OR2C1: variants seen among roughly 807,000 people sequenced by gnomAD.
The protein encoded by OR2C1 is olfactory receptor 2C1.
For missense variants in OR2C1, 468 were observed against 388.3 expected (o/e 1.21, Z -1.73); for synonymous variants, 209 against 167.3 (o/e 1.25, Z -1.92).
At chr16:3,323,415 T>A in the OR2C1 span, 1 of 777,776 alleles carries the variant, frequency 1.3e-6, no homozygotes, top group Admixed American at 1.7e-5. Flanking sequence ...TCAATCACTG[T>A]GTTGTCTGTC....
chr16:3,334,623 C>A, the OR2C1 span, among the ~76,000 whole-genome samples: 1 of 151,058 alleles, frequency 6.6e-6, no homozygotes, highest in Non-Finnish European at 1.5e-5. Flanking sequence ...GCAAGAGCCA[C>A]CACGCCCAGC....
At chr16:3,325,579 C>T in the OR2C1 span, among the ~76,000 whole-genome samples, 24 of 149,676 alleles carry the variant, frequency 1.6e-4, no homozygotes, top group Admixed American at 8.7e-4. Flanking sequence ...TAGACTTGCT[C>T]ATCACAGGCT....
At chr16:3,327,777 A>C in the OR2C1 span, among the ~76,000 whole-genome samples, 51 of 152,218 alleles carry the variant, frequency 3.4e-4, no homozygotes, top group African/African-American at 1.2e-3. Flanking sequence ...TAATAATTAC[A>C]CCAGGCATCT....
chr16:3,339,407 C>G, the OR2C1 span, among the ~76,000 whole-genome samples: 1 of 151,246 alleles, frequency 6.6e-6, no homozygotes, highest in Non-Finnish European at 1.5e-5. Flanking sequence ...TATGGTAATT[C>G]TGTTTATTTT....
the OR2C1 span, among the ~76,000 whole-genome samples, chr16:3,350,818 G>A: frequency 2.0e-5 from 3 of 151,538 alleles, no homozygotes; most frequent in Admixed American, 2.0e-4. Context: ...ACAAACAAAA[G>A]CCCTTTTGCA....
chr16:3,325,466 T>A, the OR2C1 span, among the ~76,000 whole-genome samples: 18 of 12,618 alleles, frequency 1.4e-3, no homozygotes, highest in Admixed American at 3.9e-3. Context: ...TAAAAATATA[T>A]ATATATATAT....
upstream of OR2C1, among the ~76,000 whole-genome samples, chr16:3,354,742 A>G (rs2030631509): frequency 2.0e-5 from 3 of 152,080 alleles, no homozygotes. Flanking sequence ...CCCTTCCCTG[A>G]GCGTATCAGA....
chr16:3,325,994 G>A, the OR2C1 span, among the ~76,000 whole-genome samples: 7 of 148,302 alleles, frequency 4.7e-5, no homozygotes, highest in African/African-American at 1.3e-4. Flanking sequence ...GCAGTGGTGC[G>A]ATCTCGGCTC....
the OR2C1 span, chr16:3,323,689 C>T: frequency 1.6e-5 from 11 of 685,746 alleles, no homozygotes; most frequent in Non-Finnish European, 2.9e-5. Context: ...CTGGCAATTC[C>T]AAGGCACGAG....
At chr16:3,348,420 A>C in the OR2C1 span, among the ~76,000 whole-genome samples, 2 of 152,196 alleles carry the variant, frequency 1.3e-5, no homozygotes, top group Non-Finnish European at 2.9e-5. Flanking sequence ...GCAGTTTACT[A>C]GCCATTTGCC....
At chr16:3,346,478 C>G in the OR2C1 span, among the ~76,000 whole-genome samples, 1 of 152,184 alleles carries the variant, frequency 6.6e-6, no homozygotes, top group South Asian at 2.1e-4. Context: ...GAGTGGGCCA[C>G]CCAGTGTTCC....
At chr16:3,351,716 C>T (rs1025196972), upstream of OR2C1, among the ~76,000 whole-genome samples, 2 of 152,108 alleles carry the variant, frequency 1.3e-5, no homozygotes, top group Non-Finnish European at 2.9e-5. Context: ...TACATGGAAC[C>T]TCCTTTTGTT....
chr16:3,328,495 G>C, the OR2C1 span, among the ~76,000 whole-genome samples: 2 of 152,114 alleles, frequency 1.3e-5, no homozygotes, highest in Non-Finnish European at 2.9e-5. Context: ...ATATTTATTG[G>C]TCACTTTTTA....
At chr16:3,330,008 C>T in the OR2C1 span, among the ~76,000 whole-genome samples, 119,611 of 149,410 alleles carry the variant, frequency 0.8, 47,784 homozygotes, top group East Asian at 0.93. Context: ...CCGCCTCGGC[C>T]TCCCAAAGTG....
chr16:3,333,568 C>T, the OR2C1 span, among the ~76,000 whole-genome samples: 1 of 152,126 alleles, frequency 6.6e-6, no homozygotes, highest in African/African-American at 2.4e-5. Context: ...ATCTCCTGAC[C>T]TCGTGATCCG....
At chr16:3,332,045 G>A in the OR2C1 span, among the ~76,000 whole-genome samples, 1 of 141,460 alleles carries the variant, frequency 7.1e-6, no homozygotes, top group Non-Finnish European at 1.5e-5. Flanking sequence ...AAGGACACAG[G>A]AAGGGGAACA....
the OR2C1 span, among the ~76,000 whole-genome samples, chr16:3,328,544 C>T: frequency 6.6e-6 from 1 of 152,132 alleles, no homozygotes; most frequent in Non-Finnish European, 1.5e-5. Context: ...GGAAAAACAA[C>T]CAAAAACCTA....
upstream of OR2C1, among the ~76,000 whole-genome samples, chr16:3,351,220 C>CT (rs779814781): frequency 0.044 from 804 of 18,310 alleles, 26 homozygotes; most frequent in African/African-American, 0.17. Flanking sequence ...TTTTCTTTTT[C>CT]TTTTTCTTTT....
At chr16:3,346,196 G>T in the OR2C1 span, among the ~76,000 whole-genome samples, 1 of 152,114 alleles carries the variant, frequency 6.6e-6, no homozygotes, top group African/African-American at 2.4e-5. Context: ...TGCTGTGTGT[G>T]TGTGTGTGTA....
Sources: allele counts gnomAD v4.1 joint callset (sites outside exome capture counted in the v4.1 genomes callset), GRCh38; gene constraint gnomAD v4.1.1; transcripts MANE v1.5; gene names NCBI Gene and HGNC (gene_info 2026-07-23, HGNC 2026-07-21).